ADGRL3: variants seen among roughly 807,000 people sequenced by gnomAD.
ADGRL3 encodes the protein adhesion G protein-coupled receptor L3, also known as calcium-independent alpha-latrotoxin receptor 3.
ADGRL3 carries 62 observed loss-of-function variants against 153.5 expected under a neutral mutation model. The observed-to-expected ratio is 0.40, with a 90% CI of 0.33 to 0.50. The LOEUF (loss-of-function observed/expected upper bound fraction) is 0.50, where lower values mean the gene tolerates loss of function less well. Among genes scored for constraint, ADGRL3 ranks in the 20% least tolerant of loss-of-function variants. The pLI is 0.47. For missense variants in ADGRL3, 1,641 were observed against 1,859.4 expected (o/e 0.88, Z 2.16); for synonymous variants, 710 against 672.5 (o/e 1.06, Z -0.86).
In ADGRL3 at chr4:62,071,208, A is replaced by G. The variant is rs1298919040; in HGVS notation, c.*300A>G. ...AATGGCACTCATTGTGGCCTTGTTG[A>G]ATTATGTTGTGTATGTTTTAACATC... On this transcript the variant is annotated 3_prime_UTR_variant, in exon 27 of 27. Coordinates refer to ENST00000683033, the MANE Select transcript of ADGRL3 (RefSeq NM_001387552.1). 1.9e-5 allele frequency: 5 copies of G among 267,650 alleles called. No individual in the cohort carries two copies. The highest frequency in any genetic ancestry group is 3.6e-5 in the Non-Finnish European group (5 of 140,376). 16.6% of individuals were successfully genotyped at this position (267,650 alleles called of 1,614,324 possible).
intron 2 of ADGRL3, among the ~76,000 whole-genome samples, chr4:61,462,469 C>T (rs934051194): frequency 6.6e-6 from 1 of 151,934 alleles, no homozygotes; most frequent in Non-Finnish European, 1.5e-5. Flanking sequence ...GACAATAGCT[C>T]CAGAATAGGA....
chr4:61,926,355 TG>T (rs2098794408), intron 13 of ADGRL3, among the ~76,000 whole-genome samples: 2 of 152,204 alleles, frequency 1.3e-5, no homozygotes, highest in South Asian at 4.1e-4. Context: ...CTTTACCTTT[TG>T]AAAAACAAAG....
At chr4:61,242,533 T>C (rs1378562024) in intron 1 of ADGRL3, among the ~76,000 whole-genome samples, 1 of 152,046 alleles carries the variant, frequency 6.6e-6, no homozygotes, top group Non-Finnish European at 1.5e-5. Flanking sequence ...ACATCCCCTA[T>C]CTTTATGTAA....
chr4:61,775,386 T>TA (rs1426138581), intron 8 of ADGRL3: 32 of 486,884 alleles, frequency 6.6e-5, no homozygotes, highest in South Asian at 2.6e-4. Flanking sequence ...GCTAAAATTT[T>TA]CTTTTTTTTC....
chr4:61,597,970 C>A (rs1159553883), intron 5 of ADGRL3, among the ~76,000 whole-genome samples: 1 of 152,084 alleles, frequency 6.6e-6, no homozygotes, highest in Non-Finnish European at 1.5e-5. Context: ...ACAAAACATA[C>A]TGCTCTCTCA....
In ADGRL3 at chr4:62,076,884, T is replaced by C. The variant is rs2151955140; in HGVS notation, c.*5976T>C. 1 of 151,750 alleles carries C rather than the reference T, an allele frequency of 6.6e-6. No individual in the cohort carries two copies. The highest frequency in any genetic ancestry group is 2.4e-5 in the African/African-American group (1 of 41,504). The allele number at this position is 151,750 out of a possible 1,614,324, so 9.4% of individuals were successfully genotyped here. A position where few individuals can be genotyped will look rare whatever the true frequency, so the allele number is the denominator to read the frequency against. On this transcript the variant is annotated 3_prime_UTR_variant, in exon 27 of 27. Coordinates refer to ENST00000683033, the MANE Select transcript of ADGRL3 (RefSeq NM_001387552.1). ...CTCTATTATGAATCTTTCTAATACA[T>C]ATGAAATTAATATTATATTAGAATT...
At chr4:61,766,513 G>A (rs1340425123) in intron 8 of ADGRL3, among the ~76,000 whole-genome samples, 5 of 152,128 alleles carry the variant, frequency 3.3e-5, no homozygotes, top group African/African-American at 9.7e-5. Context: ...GAAAGGAGTT[G>A]TTGTTTTGTA....
chr4:62,042,350 C>G (rs1192941764), intron 24 of ADGRL3, among the ~76,000 whole-genome samples: 1 of 151,610 alleles, frequency 6.6e-6, no homozygotes, highest in Non-Finnish European at 1.5e-5. Context: ...GGAAAAGGGA[C>G]TGAGATGTGA....
chr4:61,737,891 C>CT (rs1381717468), intron 8 of ADGRL3, among the ~76,000 whole-genome samples: 238 of 150,276 alleles, frequency 1.6e-3, no homozygotes, highest in African/African-American at 5.3e-3. Context: ...TTATAAGGGT[C>CT]TTTTTTTTTA....
intron 9 of ADGRL3, among the ~76,000 whole-genome samples, chr4:61,827,748 T>A (rs2148819235): frequency 6.6e-6 from 1 of 152,320 alleles, no homozygotes; most frequent in East Asian, 1.9e-4. Context: ...AATTCCTTGA[T>A]TTCTAATTTA....
intron 2 of ADGRL3, among the ~76,000 whole-genome samples, chr4:61,478,621 C>A (rs2098094200): frequency 6.6e-6 from 1 of 151,958 alleles, no homozygotes; most frequent in Admixed American, 6.6e-5. Flanking sequence ...AAAATCTGGG[C>A]AATCCAATAT....
chr4:61,869,960 A>AAAAAAAAAGAGAG (rs1554051477), intron 9 of ADGRL3, among the ~76,000 whole-genome samples: 1 of 101,866 alleles, frequency 9.8e-6, no homozygotes, highest in Non-Finnish European at 2.0e-5. Flanking sequence ...AAAAAAAAAA[A>AAAAAAAAAGAGAG]AGAGAGAGAG....
intron 1 of ADGRL3, among the ~76,000 whole-genome samples, chr4:61,295,776 T>C (rs371737290): frequency 6.8e-6 from 1 of 146,620 alleles, no homozygotes; most frequent in East Asian, 2.0e-4. Flanking sequence ...CTAGGCAACA[T>C]AGAGAGACCA....
At chr4:61,209,829 A>G (rs1288612054) in intron 1 of ADGRL3, among the ~76,000 whole-genome samples, 1 of 152,188 alleles carries the variant, frequency 6.6e-6, no homozygotes, top group Non-Finnish European at 1.5e-5. Context: ...ATCTTTTCAC[A>G]TGTCAATCAT....
At position 61,485,351 on chromosome 4, in the gene ADGRL3, C is replaced by G. The variant is rs140664675; in HGVS notation, c.-173-11770C>G. 1.2e-3 allele frequency among the ~76,000 whole-genome samples: 186 copies of G among 152,156 alleles called. 4 individuals are homozygous for G. Among genetic ancestry groups the G allele is most frequent in the South Asian group, 2.3e-3 (11 of 4,822 alleles). ...ATTTAAGACTTATTATACAGATATC[C>G]TTTTTATGTAAAGAATTTTTTAAAT... On this transcript the variant is annotated intron_variant, in intron 2 of 26. Coordinates refer to ENST00000683033, the MANE Select transcript of ADGRL3 (RefSeq NM_001387552.1).
chr4:61,965,029 C>A (rs1357186976), intron 17 of ADGRL3, among the ~76,000 whole-genome samples: 3 of 152,068 alleles, frequency 2.0e-5, no homozygotes, highest in African/African-American at 7.2e-5. Context: ...TGGACAGGAT[C>A]TCACTCTTTC....
intron 21 of ADGRL3, among the ~76,000 whole-genome samples, chr4:62,022,707 G>A (rs1284952753): frequency 4.6e-5 from 7 of 151,358 alleles, no homozygotes; most frequent in African/African-American, 1.7e-4. Context: ...TCTATAAATG[G>A]AACAACAAAG....
rs180906270 is a variant in ADGRL3, at chr4:61,990,252, A to G, written c.3237-6039A>G. Among the ~76,000 whole-genome samples the G allele has an allele frequency of 7.9e-5, 12 of 152,166 alleles. No individual in the cohort carries two copies. In the East Asian group the frequency reaches 2.3e-3, roughly 29 times the overall value. ...TGCCATAAAATACATAAACTTTAAA[A>G]TTATTATGTTAAGTGACTAAAGCCA... is the stretch of plus-strand genomic sequence containing the variant. On this transcript the variant is annotated intron_variant, in intron 19 of 26. Coordinates refer to ENST00000683033, the MANE Select transcript of ADGRL3 (RefSeq NM_001387552.1).
chr4:62,009,520 A>G (rs571473470), intron 21 of ADGRL3, among the ~76,000 whole-genome samples: 1 of 152,168 alleles, frequency 6.6e-6, no homozygotes, highest in East Asian at 1.9e-4. Flanking sequence ...AAATGGTTAT[A>G]TATAGAGAAA....
Sources: allele counts gnomAD v4.1 joint callset (sites outside exome capture counted in the v4.1 genomes callset), GRCh38; gene constraint gnomAD v4.1.1; transcripts MANE v1.5; gene names NCBI Gene and HGNC (gene_info 2026-07-23, HGNC 2026-07-21).